TASP1: variants seen among roughly 807,000 people sequenced by gnomAD.
The protein encoded by TASP1 is taspase 1.
Under a neutral mutation model 56.6 loss-of-function variants are expected in TASP1, and 16 were observed. The ratio of observed to expected loss-of-function variants is 0.28; its 90% confidence interval spans 0.19 to 0.43. The LOEUF is 0.43. TASP1 is among the 20% of genes least tolerant of loss of function. The pLI, the probability that TASP1 is intolerant of heterozygous loss-of-function variation, is 1.00. For synonymous variants in TASP1, 179 were observed against 184.2 expected (o/e 0.97, Z 0.23); for missense variants, 393 against 511.6 (o/e 0.77, Z 2.24).
At chr20:13,578,851 A>G (rs2047017626) in intron 6 of TASP1, among the ~76,000 whole-genome samples, 1 of 152,196 alleles carries the variant, frequency 6.6e-6, no homozygotes, top group Non-Finnish European at 1.5e-5. Flanking sequence ...CTATAGTATT[A>G]TATAACAGTA....
the TASP1 span, among the ~76,000 whole-genome samples, chr20:13,269,424 AC>A: frequency 6.6e-6 from 1 of 152,126 alleles, no homozygotes; most frequent in Admixed American, 6.5e-5. Context: ...TCAGTATAAA[AC>A]CATTAGATTT....
the TASP1 span, among the ~76,000 whole-genome samples, chr20:13,371,276 T>C: frequency 6.6e-6 from 1 of 152,156 alleles, no homozygotes; most frequent in African/African-American, 2.4e-5. Flanking sequence ...ATGGGATCTT[T>C]CTTCTTTTTT....
intron 10 of TASP1, among the ~76,000 whole-genome samples, chr20:13,484,236 G>A (rs1177167679): frequency 6.6e-6 from 1 of 152,190 alleles, no homozygotes; most frequent in Admixed American, 6.5e-5. Flanking sequence ...AACCATTATG[G>A]AAGATAGTCT....
At chr20:13,637,445 T>TCTGCTATGTATAAAC (rs2049349505) in intron 1 of TASP1, among the ~76,000 whole-genome samples, 1 of 152,206 alleles carries the variant, frequency 6.6e-6, no homozygotes, top group African/African-American at 2.4e-5. Flanking sequence ...CACAGATGTT[T>TCTGCTATGTATAAAC]ATAGCAGAAT....
At chr20:13,495,513 T>G (rs936276536) in intron 10 of TASP1, among the ~76,000 whole-genome samples, 1 of 152,090 alleles carries the variant, frequency 6.6e-6, no homozygotes, top group African/African-American at 2.4e-5. Flanking sequence ...TACATCTGGG[T>G]AGAATTTAAG....
the TASP1 span, among the ~76,000 whole-genome samples, chr20:13,227,454 C>A: frequency 6.6e-6 from 1 of 151,034 alleles, no homozygotes; most frequent in Non-Finnish European, 1.5e-5. Flanking sequence ...CTGCCCGCCT[C>A]GACCTCCCAA....
chr20:13,347,413 C>A, the TASP1 span, among the ~76,000 whole-genome samples: 3 of 152,230 alleles, frequency 2.0e-5, no homozygotes, highest in African/African-American at 7.2e-5. Context: ...CCAACCCACT[C>A]CCTGAAGGCC....
chr20:13,244,870 C>A, the TASP1 span, among the ~76,000 whole-genome samples: 2 of 152,148 alleles, frequency 1.3e-5, no homozygotes, highest in South Asian at 4.1e-4. Context: ...TAATTTCCTG[C>A]CAGTTTTCTA....
the TASP1 span, among the ~76,000 whole-genome samples, chr20:13,148,252 C>T: frequency 6.6e-6 from 1 of 152,100 alleles, no homozygotes; most frequent in Non-Finnish European, 1.5e-5. Flanking sequence ...TTCCCCTGAC[C>T]CAGCTGGTTT....
chr20:13,537,598 T>C (rs2045462925), intron 8 of TASP1, among the ~76,000 whole-genome samples: 1 of 152,114 alleles, frequency 6.6e-6, no homozygotes, highest in African/African-American at 2.4e-5. Context: ...TATAAATACT[T>C]AAAAAATATA....
intron 11 of TASP1, among the ~76,000 whole-genome samples, chr20:13,456,198 G>C (rs2043827735): frequency 6.6e-6 from 1 of 152,070 alleles, no homozygotes; most frequent in Non-Finnish European, 1.5e-5. Context: ...AGTTTTTTGG[G>C]GATGCTAAAG....
At chr20:13,404,257 T>G (rs1248003289) in intron 13 of TASP1, among the ~76,000 whole-genome samples, 7 of 152,164 alleles carry the variant, frequency 4.6e-5, no homozygotes, top group Admixed American at 4.6e-4. Flanking sequence ...TGTAGGAAAA[T>G]TATTTAGCTT....
intron 11 of TASP1, among the ~76,000 whole-genome samples, chr20:13,451,091 G>A (rs1382102512): frequency 6.6e-6 from 1 of 152,054 alleles, no homozygotes; most frequent in Non-Finnish European, 1.5e-5. Flanking sequence ...TATTTTGAAA[G>A]GAATATTTTT....
At chr20:13,154,115 T>C in the TASP1 span, 2 of 1,614,174 alleles carry the variant, frequency 1.2e-6, no homozygotes, top group Non-Finnish European at 1.7e-6. Flanking sequence ...TTCCTCTGCT[T>C]CTTTATATGC....
chr20:13,529,260 A>T (rs1248581278), intron 9 of TASP1, among the ~76,000 whole-genome samples: 3 of 152,214 alleles, frequency 2.0e-5, no homozygotes, highest in Non-Finnish European at 4.4e-5. Context: ...TTTATAACAG[A>T]TTATGACAAT....
chr20:13,552,892 A>G (rs1313916754), intron 8 of TASP1, among the ~76,000 whole-genome samples: 1 of 152,154 alleles, frequency 6.6e-6, no homozygotes, highest in Non-Finnish European at 1.5e-5. Flanking sequence ...ACCAACAGTA[A>G]AAGAGATTTC....
chr20:13,169,701 C>T, the TASP1 span, among the ~76,000 whole-genome samples: 1 of 151,946 alleles, frequency 6.6e-6, no homozygotes, highest in Non-Finnish European at 1.5e-5. Flanking sequence ...AGTTTTATAT[C>T]AGAAAATGTT....
chr20:13,179,781 G>A, the TASP1 span, among the ~76,000 whole-genome samples: 1 of 152,170 alleles, frequency 6.6e-6, no homozygotes, highest in Non-Finnish European at 1.5e-5. Flanking sequence ...ACCCCGGAGA[G>A]TCTGCTCCAT....
At chr20:13,163,386 A>T in the TASP1 span, among the ~76,000 whole-genome samples, 4 of 151,542 alleles carry the variant, frequency 2.6e-5, no homozygotes, top group Non-Finnish European at 5.9e-5. Flanking sequence ...AAAAAAAAAA[A>T]AAAATAGAAA....
Sources: allele counts gnomAD v4.1 joint callset (sites outside exome capture counted in the v4.1 genomes callset), GRCh38; gene constraint gnomAD v4.1.1; transcripts MANE v1.5; gene names NCBI Gene and HGNC (gene_info 2026-07-23, HGNC 2026-07-21).